CUX1: variants seen among roughly 807,000 people sequenced by gnomAD.
CUX1 encodes the protein protein CASP.
A neutral mutation model predicts 158.8 loss-of-function variants in CUX1; 31 were observed. That is an observed-to-expected ratio of 0.20 (90% CI 0.15 to 0.26). The LOEUF is 0.26. CUX1 is among the 10% of genes least tolerant of loss of function. The probability of loss-of-function intolerance (pLI) is 1.00; values close to 1 mark genes in which losing one functional copy is unlikely to be tolerated. For synonymous variants in CUX1, 879 were observed against 862.1 expected (o/e 1.02, Z -0.34); for missense variants, 1,589 against 2,014.6 (o/e 0.79, Z 4.04).
intron 2 of CUX1, among the ~76,000 whole-genome samples, chr7:102,000,276 C>G (rs982876761): frequency 2.0e-5 from 3 of 152,080 alleles, no homozygotes; most frequent in Admixed American, 2.0e-4. Context: ...AGCAGCTGCC[C>G]TGCATTGAGA....
chr7:102,042,935 T>C (rs55813553), intron 3 of CUX1, among the ~76,000 whole-genome samples: 31,345 of 151,762 alleles, frequency 0.21, 3,384 homozygotes, highest in African/African-American at 0.25. Flanking sequence ...GACTATAGGC[T>C]CCTGGCCAGG....
intron 10 of CUX1, among the ~76,000 whole-genome samples, chr7:102,172,424 C>T (rs182752658): frequency 1.7e-4 from 26 of 151,738 alleles, no homozygotes; most frequent in African/African-American, 5.1e-4. Context: ...GATCATGGCT[C>T]GCTGTAGCCT....
intron 9 of CUX1, among the ~76,000 whole-genome samples, chr7:102,165,350 CTTT>C (rs533978049): frequency 0.02 from 2,076 of 105,306 alleles, 41 homozygotes; most frequent in African/African-American, 0.074. Context: ...TAGGGGAAAG[CTTT>C]TTTTTTTTTT....
In CUX1 at chr7:102,112,392, C is replaced by A. The variant is rs531252306; in HGVS notation, c.607+618C>A. Among the ~76,000 whole-genome samples, 40 of 132,748 alleles carry A rather than the reference C, an allele frequency of 3.0e-4. No individual in the cohort carries two copies. In the South Asian group the frequency reaches 9.3e-3, roughly 31 times the overall value. The allele number at this position is 132,748 out of a possible 152,430, so 87.1% of individuals were successfully genotyped here. On this transcript the variant is annotated intron_variant, in intron 7 of 23. Transcript: ENST00000292535. ...GAGTAGCTGGGGCTACAGGCGCCCA[C>A]CACCATGCCTGGCTGATTTTTTGTA...
In CUX1 at chr7:102,248,273, G is replaced by A. The variant is rs1801037518; in HGVS notation, c.3888-139G>A. The A allele has an allele frequency of 2.7e-6, 2 of 743,390 alleles. No homozygotes were observed. The highest frequency in any genetic ancestry group is 3.3e-5 in the Admixed American group (1 of 29,890). 46.0% of individuals were successfully genotyped at this position (743,390 alleles called of 1,614,324 possible). On this transcript the variant is annotated intron_variant, in intron 23 of 23. Coordinates refer to ENST00000292535, the MANE Select transcript of CUX1 (RefSeq NM_181552.4). The surrounding 1 kb of genome is among the most constrained non-coding windows in gnomAD (Gnocchi z 5.8). ...GGAGAGGGGCTGCCCCGTGGCCCGA[G>A]GGTCGCTGGAGGGGCACGGAGGGGC...
chr7:102,106,616 C>T (rs942321595), intron 6 of CUX1, among the ~76,000 whole-genome samples: 1 of 152,166 alleles, frequency 6.6e-6, no homozygotes, highest in South Asian at 2.1e-4. Context: ...AGGTACTACC[C>T]ATTCCCTAGA....
At chr7:102,102,889 C>T (rs542240482) in intron 5 of CUX1, among the ~76,000 whole-genome samples, 1 of 150,324 alleles carries the variant, frequency 6.7e-6, no homozygotes, top group East Asian at 1.9e-4. Context: ...TGCCCCAGAG[C>T]CACCCACACA....
intron 2 of CUX1, among the ~76,000 whole-genome samples, chr7:101,922,128 A>G (rs999924741): frequency 2.6e-5 from 4 of 152,224 alleles, no homozygotes; most frequent in Non-Finnish European, 4.4e-5. Context: ...AAAAAAAAAA[A>G]ATTGGTTTGT....
At position 102,248,271 on chromosome 7, in the gene CUX1, G is replaced by A. The variant is rs1801036510; in HGVS notation, c.3888-141G>A. ...CTGGAGAGGGGCTGCCCCGTGGCCC[G>A]AGGGTCGCTGGAGGGGCACGGAGGG... On this transcript the variant is annotated intron_variant, in intron 23 of 23. Coordinates refer to ENST00000292535, the MANE Select transcript of CUX1 (RefSeq NM_181552.4). This position sits in a 1 kb window ranked among gnomAD's most constrained non-coding sequence, Gnocchi z 5.8. 1.4e-6 allele frequency: 1 copy of A among 735,624 alleles called. No homozygotes were observed. Among genetic ancestry groups the A allele is most frequent in the Non-Finnish European group, 2.1e-6 (1 of 479,284 alleles). 45.6% of individuals were successfully genotyped at this position (735,624 alleles called of 1,614,324 possible). A position where few individuals can be genotyped will look rare whatever the true frequency, so the allele number is the denominator to read the frequency against.
At chr7:101,906,939 CTG>C (rs1427762089) in intron 1 of CUX1, among the ~76,000 whole-genome samples, 2 of 152,120 alleles carry the variant, frequency 1.3e-5, no homozygotes, top group Admixed American at 6.6e-5. Context: ...CAGTCTCACT[CTG>C]TGGAAACCCT....
chr7:102,216,864 TTCTC>T (rs1303878712), intron 20 of CUX1, among the ~76,000 whole-genome samples: 13 of 123,230 alleles, frequency 1.1e-4, no homozygotes, highest in African/African-American at 3.6e-4. Context: ...CACACACACA[TTCTC>T]TCACACACAC....
At chr7:102,068,234 G>C (rs1210443910) in intron 3 of CUX1, among the ~76,000 whole-genome samples, 2 of 149,448 alleles carry the variant, frequency 1.3e-5, no homozygotes, top group Admixed American at 1.3e-4. Context: ...TGGTATTACA[G>C]GTGCATTGCC....
chr7:101,976,513 A>G (rs536931803), intron 2 of CUX1, among the ~76,000 whole-genome samples: 1 of 152,330 alleles, frequency 6.6e-6, no homozygotes, highest in African/African-American at 2.4e-5. Context: ...ACTTCCCCTA[A>G]AAGCCAAAAC....
At chr7:101,953,758 G>C (rs1234542962) in intron 2 of CUX1, among the ~76,000 whole-genome samples, 1 of 151,928 alleles carries the variant, frequency 6.6e-6, no homozygotes, top group Non-Finnish European at 1.5e-5. Flanking sequence ...TTTGTCTCAC[G>C]ACTGGAGGGT....
chr7:101,862,454 T>C (rs988548782), intron 1 of CUX1, among the ~76,000 whole-genome samples: 1 of 152,168 alleles, frequency 6.6e-6, no homozygotes, highest in African/African-American at 2.4e-5. Flanking sequence ...CAGCCTGCGG[T>C]TGTCCTTCAG....
At chr7:102,240,546 C>T (rs1800089311) in intron 23 of CUX1, among the ~76,000 whole-genome samples, 2 of 152,106 alleles carry the variant, frequency 1.3e-5, no homozygotes, top group Admixed American at 6.6e-5. Flanking sequence ...ACATGAGCCA[C>T]CACACCTGGC....
At chr7:102,020,059 T>C (rs1326696138) in intron 2 of CUX1, among the ~76,000 whole-genome samples, 1 of 152,208 alleles carries the variant, frequency 6.6e-6, no homozygotes, top group Non-Finnish European at 1.5e-5. Flanking sequence ...AGAACAGTAA[T>C]CTAAATTGAC....
chr7:102,037,532 A>G (rs1370393069), intron 3 of CUX1, among the ~76,000 whole-genome samples: 1 of 151,622 alleles, frequency 6.6e-6, no homozygotes. Flanking sequence ...TTGTATTTTT[A>G]GTAGAGACAG....
chr7:102,263,854 G>T (rs184353218), intron 14 of CUX1, among the ~76,000 whole-genome samples: 1 of 151,322 alleles, frequency 6.6e-6, no homozygotes, highest in Non-Finnish European at 1.5e-5. Flanking sequence ...CACCATGCCC[G>T]GCTAATTTTT....
Sources: gnomAD v4.1 joint callset for allele counts (sites outside exome capture counted in the v4.1 genomes callset) on GRCh38, gnomAD v4.1.1 for gene constraint, Gnocchi (gnomAD v3.1) non-coding constraint, MANE v1.5 for transcripts, NCBI Gene and HGNC (gene_info 2026-07-23, HGNC 2026-07-21) for gene names.